Variants in RBM20 observed in about 807,000 individuals in gnomAD.
RBM20 encodes the protein RNA binding motif protein 20.
A neutral mutation model predicts 110.1 loss-of-function variants in RBM20; 51 were observed. The observed-to-expected ratio is 0.46, with a 90% CI of 0.37 to 0.59. RBM20 has a LOEUF of 0.59. Among genes scored for constraint, RBM20 ranks in the 20% least tolerant of loss-of-function variants. RBM20 has a pLI of 0.00. For missense variants in RBM20, 1,512 were observed against 1,574.9 expected (o/e 0.96, Z 0.68); for synonymous variants, 589 against 618.2 (o/e 0.95, Z 0.70).
At chr10:110,828,387 G>A (rs114819670) in intron 12 of RBM20, among the ~76,000 whole-genome samples, 3,053 of 152,266 alleles carry the variant, frequency 0.02, 103 homozygotes, top group African/African-American at 0.07. Flanking sequence ...AGCTCTTGGG[G>A]TTTCTCCTCC....
intron 9 of RBM20, among the ~76,000 whole-genome samples, chr10:110,813,952 G>T (rs1221037141): frequency 6.6e-6 from 1 of 152,030 alleles, no homozygotes; most frequent in Non-Finnish European, 1.5e-5. Flanking sequence ...AAGGAGGGTT[G>T]TGGTTACCAG....
At chr10:110,802,955 T>G (rs1365566641) in intron 7 of RBM20, among the ~76,000 whole-genome samples, 1 of 152,238 alleles carries the variant, frequency 6.6e-6, no homozygotes. Flanking sequence ...AGGAAAGGAC[T>G]ATACTTTGAG....
chr10:110,816,270 C>G (rs1844837433), intron 9 of RBM20, among the ~76,000 whole-genome samples: 1 of 148,592 alleles, frequency 6.7e-6, no homozygotes. Flanking sequence ...CTTCTCCCTC[C>G]CACCACTGCA....
At chr10:110,835,825 T>G (rs1178728782) in intron 13 of RBM20, 43 bp from the exon 14 acceptor site, 1 of 1,544,536 alleles carries the variant, frequency 6.5e-7, no homozygotes, top group Non-Finnish European at 8.8e-7. Flanking sequence ...TCTAGGTCCC[T>G]ACTAACATGC....
chr10:110,787,598 T>C (rs1844435144), intron 5 of RBM20, among the ~76,000 whole-genome samples: 1 of 152,246 alleles, frequency 6.6e-6, no homozygotes, highest in South Asian at 2.1e-4. Flanking sequence ...GAGGTTCCCA[T>C]GGATGTACTT....
chr10:110,736,971 T>C (rs1342927886), intron 1 of RBM20, among the ~76,000 whole-genome samples: 2 of 151,610 alleles, frequency 1.3e-5, no homozygotes, highest in African/African-American at 4.8e-5. Flanking sequence ...GGTCAGGAGT[T>C]CGATACCAGC....
chr10:110,667,617 G>A (rs1294926824), intron 1 of RBM20, among the ~76,000 whole-genome samples: 4 of 152,140 alleles, frequency 2.6e-5, no homozygotes, highest in Admixed American at 6.5e-5. Flanking sequence ...TACCTTGTTT[G>A]CCTCTTACAG....
At chr10:110,680,996 T>C (rs1862415764) in intron 1 of RBM20, among the ~76,000 whole-genome samples, 2 of 152,216 alleles carry the variant, frequency 1.3e-5, no homozygotes, top group African/African-American at 4.8e-5. Context: ...CTTGTTACAT[T>C]CGTGAAAAAT....
chr10:110,796,466 G>A (rs1844551733), intron 5 of RBM20, among the ~76,000 whole-genome samples: 2 of 152,100 alleles, frequency 1.3e-5, no homozygotes, highest in Non-Finnish European at 2.9e-5. Context: ...TTGGTAACCT[G>A]CTTTTAACTT....
intron 1 of RBM20, among the ~76,000 whole-genome samples, chr10:110,694,097 T>A: frequency 6.6e-6 from 1 of 152,350 alleles, no homozygotes; most frequent in African/African-American, 2.4e-5. Context: ...GTCTTCAGGA[T>A]GGGTGTTTCC....
intron 5 of RBM20, among the ~76,000 whole-genome samples, chr10:110,794,174 T>C (rs1324789297): frequency 6.6e-6 from 1 of 152,222 alleles, no homozygotes; most frequent in Non-Finnish European, 1.5e-5. Flanking sequence ...GCCATGTTTA[T>C]GTAAAGTGTA....
intron 1 of RBM20, among the ~76,000 whole-genome samples, chr10:110,748,431 G>T (rs1370089246): frequency 1.3e-5 from 2 of 152,172 alleles, no homozygotes; most frequent in African/African-American, 2.4e-5. Flanking sequence ...AATGACCAGA[G>T]AGTGATATGG....
intron 1 of RBM20, among the ~76,000 whole-genome samples, chr10:110,663,373 C>G (rs1429300595): frequency 6.6e-6 from 1 of 152,220 alleles, no homozygotes; most frequent in African/African-American, 2.4e-5. Context: ...TCTCCGTGTA[C>G]TGCTATGGAA....
intron 1 of RBM20, among the ~76,000 whole-genome samples, chr10:110,724,819 T>G (rs1843544368): frequency 6.6e-6 from 1 of 152,166 alleles, no homozygotes; most frequent in Non-Finnish European, 1.5e-5. Context: ...CTACTGTAAG[T>G]GTACCAGGTT....
chr10:110,788,594 C>T (rs2135057454), intron 5 of RBM20, among the ~76,000 whole-genome samples: 1 of 152,288 alleles, frequency 6.6e-6, no homozygotes, highest in African/African-American at 2.4e-5. Flanking sequence ...CCCCGGTTTG[C>T]CATTGCCAGC....
At chr10:110,764,553 G>A (rs1356133915) in intron 1 of RBM20, among the ~76,000 whole-genome samples, 1 of 152,246 alleles carries the variant, frequency 6.6e-6, no homozygotes, top group Non-Finnish European at 1.5e-5. Context: ...GCTCCCGGTG[G>A]CATGTGACTG....
At chr10:110,831,666 T>TAAAA (rs869203382) in intron 13 of RBM20, among the ~76,000 whole-genome samples, 4,620 of 57,790 alleles carry the variant, frequency 0.08, 179 homozygotes, top group East Asian at 0.25. Context: ...CTTGCTAGAA[T>TAAAA]AAAAAAAAAA....
intron 1 of RBM20, among the ~76,000 whole-genome samples, chr10:110,668,369 T>C (rs537344249): frequency 5.6e-4 from 85 of 152,300 alleles, no homozygotes; most frequent in African/African-American, 1.9e-3. Flanking sequence ...GTCATAATAC[T>C]GAAAAGCATA....
At chr10:110,666,152 A>G (rs1332271435) in intron 1 of RBM20, among the ~76,000 whole-genome samples, 2 of 152,182 alleles carry the variant, frequency 1.3e-5, no homozygotes, top group Non-Finnish European at 2.9e-5. Context: ...AAGATTGGCC[A>G]TAGATTGATA....
Sources: allele counts gnomAD v4.1 joint callset (sites outside exome capture counted in the v4.1 genomes callset), GRCh38; gene constraint gnomAD v4.1.1; transcripts MANE v1.5; gene names NCBI Gene and HGNC (gene_info 2026-07-23, HGNC 2026-07-21).